The following QARS1 variants were observed in gnomAD, a reference collection of about 807,000 sequenced individuals.
The protein encoded by QARS1 is glutaminyl-tRNA synthetase 1, also known as glutamine--tRNA ligase.
A neutral mutation model predicts 106.9 loss-of-function variants in QARS1; 79 were observed. The ratio of observed to expected loss-of-function variants is 0.74; its 90% CI spans 0.62 to 0.89. QARS1 has a LOEUF of 0.89. Among genes scored for constraint, QARS1 ranks in the 40% least tolerant of loss-of-function variants. QARS1 has a pLI of 0.00. For missense variants in QARS1, 966 were observed against 997.2 expected, an observed-to-expected ratio of 0.97 and a Z score of 0.42; for synonymous variants, 395 against 367.7, an observed-to-expected ratio of 1.07 and a Z score of -0.85.
chr3:49,102,543 A>G, intron 5 of QARS1, 71 bp from the exon 6 acceptor site: 1 of 1,558,804 alleles, frequency 6.4e-7, no homozygotes, highest in African/African-American at 1.4e-5. Context: ...GATCCTACCC[A>G]CCAACCCAAG....
rs201359259 is a variant in QARS1, at chr3:49,103,917, G to A, written c.321C>T (p.Phe107=). ...HPLDPIDTVD[F]ERECGVGVIV... is the part of the protein sequence containing the mutation. ...TGACACCCACGCCACATTCCCGCTC[G>A]AAGTCCACAGTGTCGATGGGGTCCA... Residue 107 remains phenylalanine, a synonymous_variant, in exon 3 of 24, where the codon TTC becomes TTT. Coordinates refer to ENST00000306125, the MANE Select transcript of QARS1 (RefSeq NM_005051.3). 2.4e-5 allele frequency: 39 copies of A among 1,613,876 alleles called. No individual in the cohort carries two copies. Among genetic ancestry groups the A allele is most frequent in the Non-Finnish European group, 3.1e-5 (37 of 1,180,014 alleles).
chr3:49,102,519 A>C, intron 5 of QARS1, 47 bp from the exon 6 acceptor site: 1 of 1,608,694 alleles, frequency 6.2e-7, no homozygotes, highest in East Asian at 2.2e-5. Flanking sequence ...TCCTCTTTCA[A>C]GGAGCCCCTG....
chr3:49,099,061 A>T (rs1315361984), intron 18 of QARS1, 49 bp downstream of exon 18: 2 of 1,613,486 alleles, frequency 1.2e-6, no homozygotes, highest in Non-Finnish European at 1.7e-6. Context: ...AGCCAAGTGT[A>T]CCCCCAGCTA....
chr3:49,099,848 A>C lies in QARS1; in HGVS notation c.1301T>G (p.Ile434Ser). The change falls in exon 15 of 24, where the codon ATC becomes AGC. Residue 434 changes from isoleucine to serine, a missense_variant. Ile to Ser is a moderately radical substitution (Grantham distance 142). Coordinates refer to ENST00000306125, the MANE Select transcript of QARS1 (RefSeq NM_005051.3). Reference sequence around the variant, plus strand: ...GTGTGTGTAGTCGTAGGTGGGATAGATGCACCTGTGGGGCATAGGCAGTGG... The same window carrying C: ...GTGTGTGTAGTCGTAGGTGGGATAGCTGCACCTGTGGGGCATAGGCAGTGG... ...PHHRTGDKWC[I>S]YPTYDYTHCL... 6.2e-7 allele frequency: 1 copy of C among 1,611,956 alleles called. No individual in the cohort carries two copies.
At position 49,102,418 on chromosome 3, in the gene QARS1, C is replaced by T. The variant is rs2107108875; in HGVS notation, c.570+1G>A. The T allele has an allele frequency of 3.7e-6, 6 of 1,614,178 alleles. No individual in the cohort carries two copies. Among genetic ancestry groups the T allele is most frequent in the African/African-American group, 2.7e-5 (2 of 75,054 alleles). ...GGACTCAGGGCCATGCCCATCCCTA[C>T]CTTGAACTTCTTCTCCAGATCAGCC... On this transcript the variant is annotated splice_donor_variant, in intron 6 of 23. Coordinates refer to ENST00000306125, the MANE Select transcript of QARS1 (RefSeq NM_005051.3). LOFTEE classifies it high-confidence loss of function.
At chr3:49,100,354 G>C in intron 12 of QARS1, 26 bp downstream of exon 12, 1 of 1,614,054 alleles carries the variant, frequency 6.2e-7, no homozygotes, top group Non-Finnish European at 8.5e-7. Flanking sequence ...AGTCTGCCTG[G>C]CTCTACGTCA....
Position 49,098,477 on chromosome 3 carries a change from G to A in QARS1, c.1960C>T (p.Pro654Ser). ...TCCAGACTCTCTACACAACCACTGG[G>A]GCCCTGGAAGTGGGGGGAGGGGAGC... ...VIELQHVVKG[P>S]SGCVESLEVT... is the part of the protein sequence containing the mutation. The change falls in exon 21 of 24, where the codon CCC becomes TCC. Residue 654 changes from proline to serine, a missense_variant. Physicochemically the swap from Pro to Ser is moderately conservative, Grantham distance 74. Coordinates refer to ENST00000306125, the MANE Select transcript of QARS1 (RefSeq NM_005051.3). 6.8e-6 allele frequency: 11 copies of A among 1,614,174 alleles called. No homozygotes were observed. Among genetic ancestry groups the A allele is most frequent in the Non-Finnish European group, 9.3e-6 (11 of 1,180,032 alleles).
intron 2 of QARS1, 165 bp from the exon 3 acceptor site, chr3:49,104,137 T>C: frequency 1.8e-6 from 2 of 1,139,264 alleles, no homozygotes; most frequent in Non-Finnish European, 2.6e-6. Context: ...GTGTCGAGAG[T>C]GGATCCCCCC....
At position 49,102,402 on chromosome 3, in the gene QARS1, G is replaced by A. The variant is rs1458830828; in HGVS notation, c.570+17C>T. 6.2e-7 allele frequency: 1 copy of A among 1,613,928 alleles called. No individual in the cohort carries two copies. The highest frequency in any genetic ancestry group is 1.3e-5 in the African/African-American group (1 of 74,892). ...CTCACCTCACCCTCAGGGACTCAGG[G>A]CCATGCCCATCCCTACCTTGAACTT... is the stretch of plus-strand genomic sequence containing the variant. On this transcript the variant is annotated intron_variant, in intron 6 of 23. Transcript: ENST00000306125.
At chr3:49,098,766 G>A (rs2042425926) in intron 19 of QARS1, 74 bp from the exon 20 acceptor site, 2 of 1,501,240 alleles carry the variant, frequency 1.3e-6, no homozygotes, top group African/African-American at 1.4e-5. Flanking sequence ...CTACCCCCGT[G>A]TCTGGCAAAG....
Position 49,098,920 on chromosome 3 carries a change from G to A in QARS1, c.1828C>T (p.Pro610Ser), listed in dbSNP as rs201757914. 38 of 1,614,052 alleles carry A rather than the reference G, an allele frequency of 2.4e-5. No individual in the cohort carries two copies. In the South Asian group the frequency reaches 3.7e-4, roughly 16 times the overall value. The change falls in exon 19 of 24, where the codon CCC (proline) becomes TCC (serine). Residue 610 changes from proline (P) to serine (S), a missense_variant. Physicochemically the swap from Pro to Ser is moderately conservative, Grantham distance 74. Transcript: ENST00000306125. ...TKGFHQVPFA[P>S]IVFIERTDFK... Reference sequence around the variant, plus strand: ...TCAGTCCTCTCAATGAAGACAATGGGTGCAAAGGGAACCTGATGGAAGCCT... The same window carrying A: ...TCAGTCCTCTCAATGAAGACAATGGATGCAAAGGGAACCTGATGGAAGCCT...
Position 49,104,727 on chromosome 3 carries a change from C to G in QARS1, c.7G>C (p.Ala3Pro). The G allele has an allele frequency of 1.9e-6, 3 of 1,612,798 alleles. No individual in the cohort carries two copies. The highest frequency in any genetic ancestry group is 2.5e-6 in the Non-Finnish European group (3 of 1,179,228). The change falls in exon 1 of 24, where the codon GCT (alanine) becomes CCT (proline). Residue 3 changes from alanine (A) to proline (P), a missense_variant. Transcript: ENST00000306125. ...GTGAAGAGCGACAGGGAGTCTAGAGCCGCCATTGCAGAGACACCGGAAACT... is the reference window on the plus strand; with the variant it reads ...GTGAAGAGCGACAGGGAGTCTAGAGGCGCCATTGCAGAGACACCGGAAACT... Reference protein sequence around the residue: MAALDSLSLFTSL... With the variant: MAPLDSLSLFTSL...
intron 23 of QARS1, among the ~76,000 whole-genome samples, chr3:49,096,850 T>C (rs1185508110): frequency 3.5e-5 from 4 of 113,858 alleles, no homozygotes; most frequent in Non-Finnish European, 6.9e-5. Context: ...CCGGGCGTGG[T>C]AGCATGTGCC....
At chr3:49,100,771 G>GA (rs751089603) in intron 10 of QARS1, 97 bp from the exon 11 acceptor site, 16 of 1,102,308 alleles carry the variant, frequency 1.5e-5, no homozygotes, top group Admixed American at 3.6e-5. Context: ...TCTCATGTCA[G>GA]AATTTTCTTT....
rs748141268 is a variant in QARS1, at chr3:49,100,097, G to A, written c.1165-6C>T. On this transcript the variant is annotated splice_region_variant and splice_polypyrimidine_tract_variant and intron_variant, in intron 13 of 23. Transcript: ENST00000306125. ...AACTTGCCCTTGCGCATTGCCTGAG[G>A]GGAACAAGGACTCAGGCTGTCTCTA... is the stretch of plus-strand genomic sequence containing the variant. 4 of 1,614,212 alleles carry A rather than the reference G, an allele frequency of 2.5e-6. No individual in the cohort carries two copies. The East Asian group carries it at 6.7e-5, about 27-fold the overall frequency.
Position 49,101,871 on chromosome 3 carries a change from C to G in QARS1, c.660G>C (p.Leu220=), listed in dbSNP as rs763300740. 6.2e-7 allele frequency: 1 copy of G among 1,612,296 alleles called. No homozygotes were observed. ...GGGCCTCCCCCCGGAGCTGCTCCAT[C>G]AGAGACAGGGTCTGGTCAGCAGTCT... ...NGETADQTLS[L]MEQLRGEALK... The change falls in exon 8 of 24, where the codon CTG becomes CTC. Residue 220 remains leucine, a synonymous_variant. Transcript: ENST00000306125.
chr3:49,098,354 G>A lies in QARS1; in HGVS notation c.2083C>T (p.Leu695=). Residue 695 remains leucine, a splice_region_variant and synonymous_variant, in exon 21 of 24, where the codon CTA becomes TTA. Transcript: ENST00000306125. ...CCCACCCCAGCTCTGTTCACTCACA[G>A]TCGCTCATAGAGGCGAACCTCACAC... is the stretch of plus-strand genomic sequence containing the variant. The part of the protein sequence containing the change: ...LMCEVRLYER[L]FQHKNPEDPT... 1 of 1,614,230 alleles carries A rather than the reference G, an allele frequency of 6.2e-7. No homozygotes were observed. Among genetic ancestry groups the A allele is most frequent in the South Asian group, 1.1e-5 (1 of 91,090 alleles).
rs140358033 is a variant in QARS1, at chr3:49,098,031, A to G, written c.2238T>C (p.Leu746=). Residue 746 remains leucine, a synonymous_variant, in exon 23 of 24, where the codon CTT becomes CTC. Coordinates refer to ENST00000306125, the MANE Select transcript of QARS1 (RefSeq NM_005051.3). ...TGTCTGGATCCACGGAGAAATATCC[A>G]AGACGCTCAAACTGGAACTTGTCGA... ...KPFDKFQFER[L]GYFSVDPDSH... 1.2e-6 allele frequency: 2 copies of G among 1,614,098 alleles called. No homozygotes were observed. Among genetic ancestry groups the G allele is most frequent in the African/African-American group, 2.7e-5 (2 of 74,918 alleles).
In QARS1 at chr3:49,103,759, G is replaced by C. The variant is rs568210396; in HGVS notation, c.376-53C>G. 23 of 1,604,234 alleles carry C rather than the reference G, an allele frequency of 1.4e-5. No individual in the cohort carries two copies. The East Asian group carries it at 4.7e-4, about 33-fold the overall frequency. ...GGAAAGCCACCTTTAGAGATATTCT[G>C]GGAACCCACACCCTCACTCTGGGTC... On this transcript the variant is annotated intron_variant, in intron 3 of 23. Coordinates refer to ENST00000306125, the MANE Select transcript of QARS1 (RefSeq NM_005051.3).
Sources: gnomAD v4.1 joint callset for allele counts (sites outside exome capture counted in the v4.1 genomes callset) on GRCh38, gnomAD v4.1.1 for gene constraint, MANE v1.5 for transcripts, NCBI Gene and HGNC (gene_info 2026-07-23, HGNC 2026-07-21) for gene names.